The following DNAH6 variants were observed in gnomAD, a reference collection of about 807,000 sequenced individuals.
DNAH6 encodes the protein axonemal beta dynein heavy chain 6.
In DNAH6, 340 loss-of-function variants were observed where a neutral mutation model predicts 491.4. The observed-to-expected ratio is 0.69, with a 90% CI of 0.63 to 0.76. The LOEUF is 0.76. Among genes scored for constraint, DNAH6 ranks in the 30% least tolerant of loss-of-function variants. The pLI is 0.00. For missense variants in DNAH6, 4,443 were observed against 4,972.2 expected (o/e 0.89, Z 3.20); for synonymous variants, 1,603 against 1,686.1 (o/e 0.95, Z 1.21).
intron 19 of DNAH6, among the ~76,000 whole-genome samples, chr2:84,604,855 CAGAGA>C (rs946492274): frequency 2.0e-5 from 3 of 152,100 alleles, no homozygotes; most frequent in Non-Finnish European, 2.9e-5. Context: ...TCCAAGCTAC[CAGAGA>C]AATCTGTTAA....
the DNAH6 span, among the ~76,000 whole-genome samples, chr2:84,479,605 C>G: frequency 3.0e-4 from 46 of 152,186 alleles, no homozygotes; most frequent in Admixed American, 1.6e-3. Flanking sequence ...TCCCTGAGAC[C>G]CTGAATGTAG....
chr2:84,465,896 T>G, the DNAH6 span, among the ~76,000 whole-genome samples: 5 of 152,342 alleles, frequency 3.3e-5, no homozygotes, highest in South Asian at 1.0e-3. Context: ...AAGACCAATT[T>G]GTTTTATTAT....
chr2:84,476,889 T>C, the DNAH6 span, among the ~76,000 whole-genome samples: 1 of 152,238 alleles, frequency 6.6e-6, no homozygotes, highest in African/African-American at 2.4e-5. Context: ...GTCCTGTTGT[T>C]ACCCTGGTTC....
chr2:84,710,443 G>C, intron 56 of DNAH6, 31 bp downstream of exon 56: 1 of 1,549,106 alleles, frequency 6.5e-7, no homozygotes, highest in Non-Finnish European at 8.7e-7. Flanking sequence ...TCTCATGTCA[G>C]TTCCCAACTT....
At chr2:84,654,859 G>A in intron 35 of DNAH6, 77 bp downstream of exon 35, 4 of 1,463,550 alleles carry the variant, frequency 2.7e-6, no homozygotes, top group Admixed American at 2.1e-5. Context: ...AATAACAATA[G>A]GTTAAGGACT....
At chr2:84,500,688 G>T in the DNAH6 span, among the ~76,000 whole-genome samples, 2 of 151,936 alleles carry the variant, frequency 1.3e-5, no homozygotes, top group Non-Finnish European at 2.9e-5. Context: ...CCATTTTTTG[G>T]TGTCCTCTTC....
At chr2:84,614,461 T>C (rs531606060) in intron 22 of DNAH6, among the ~76,000 whole-genome samples, 9 of 152,182 alleles carry the variant, frequency 5.9e-5, no homozygotes, top group Non-Finnish European at 1.5e-5. Flanking sequence ...TGGTTCCATA[T>C]TTTTGCAATT....
At chr2:84,768,136 A>G (rs1202511731) in intron 64 of DNAH6, among the ~76,000 whole-genome samples, 2 of 152,118 alleles carry the variant, frequency 1.3e-5, no homozygotes, top group Non-Finnish European at 2.9e-5. Flanking sequence ...AGATGCTCCT[A>G]AATTCAGAAT....
chr2:84,595,715 C>T lies in DNAH6; in HGVS notation c.2794C>T (p.Gln932Ter), dbSNP rs1210578246. The change falls in exon 18 of 77, where the codon CAA becomes TAA. Residue 932 changes from glutamine to a stop codon, truncating the protein, a stop_gained. Coordinates refer to ENST00000389394, the MANE Select transcript of DNAH6 (RefSeq NM_001370.2). LOFTEE classifies it high-confidence loss of function. ...TTCTAAATATGCTAAATTTGTGACTCAACTGGAAAAAGGCTTGCCACCCAA... is the reference window on the plus strand; with the variant it reads ...TTCTAAATATGCTAAATTTGTGACTTAACTGGAAAAAGGCTTGCCACCCAA... ...QVSKYAKFVT[Q>*]LEKGLPPNSV... The T allele has an allele frequency of 1.3e-6, 2 of 1,551,206 alleles. No homozygotes were observed. Among genetic ancestry groups the T allele is most frequent in the African/African-American group, 1.4e-5 (1 of 73,020 alleles).
At chr2:84,741,309 A>G (rs537043586) in intron 62 of DNAH6, among the ~76,000 whole-genome samples, 108 of 152,154 alleles carry the variant, frequency 7.1e-4, no homozygotes, top group Non-Finnish European at 1.5e-3. Flanking sequence ...ATCACTGCCC[A>G]GGCAGGCAGC....
At chr2:84,494,304 G>T in the DNAH6 span, among the ~76,000 whole-genome samples, 1 of 152,146 alleles carries the variant, frequency 6.6e-6, no homozygotes, top group African/African-American at 2.4e-5. Flanking sequence ...CCGGATACAG[G>T]TTCTCTATAA....
chr2:84,795,621 C>T (rs371132460), intron 68 of DNAH6, among the ~76,000 whole-genome samples: 121 of 152,240 alleles, frequency 7.9e-4, no homozygotes, highest in Middle Eastern at 3.4e-3. Context: ...AGGAACACTA[C>T]AGTGGTGAAT....
chr2:84,464,358 G>A, the DNAH6 span, among the ~76,000 whole-genome samples: 18 of 152,186 alleles, frequency 1.2e-4, no homozygotes, highest in African/African-American at 4.3e-4. Context: ...CACTCTTGCT[G>A]TCTTGCTCTG....
chr2:84,499,267 A>T, the DNAH6 span, among the ~76,000 whole-genome samples: 2 of 152,080 alleles, frequency 1.3e-5, no homozygotes, highest in Admixed American at 1.3e-4. Flanking sequence ...TGATTTTCAG[A>T]TCCCATAAAT....
chr2:84,622,491 C>A (rs960037843), intron 26 of DNAH6, among the ~76,000 whole-genome samples: 1 of 152,090 alleles, frequency 6.6e-6, no homozygotes, highest in African/African-American at 2.4e-5. Context: ...TTCCCTCAAG[C>A]AATCCTCCTG....
At chr2:84,740,249 T>A (rs946623941) in intron 62 of DNAH6, among the ~76,000 whole-genome samples, 1 of 152,160 alleles carries the variant, frequency 6.6e-6, no homozygotes, top group Non-Finnish European at 1.5e-5. Context: ...TAATTCAGGA[T>A]GCAGTCTAGT....
At chr2:84,605,355 A>C (rs74475477) in intron 19 of DNAH6, 145 bp from the exon 20 acceptor site, 1 of 257,190 alleles carries the variant, frequency 3.9e-6, no homozygotes, top group South Asian at 9.2e-5. Flanking sequence ...TCTATCTCAA[A>C]AAAAAAAAAA....
intron 64 of DNAH6, among the ~76,000 whole-genome samples, chr2:84,778,461 G>C (rs954176211): frequency 6.6e-6 from 1 of 151,402 alleles, no homozygotes; most frequent in Non-Finnish European, 1.5e-5. Flanking sequence ...TGCAATATTA[G>C]ATCATGAATC....
intron 20 of DNAH6, among the ~76,000 whole-genome samples, chr2:84,606,414 T>G (rs1294922047): frequency 6.6e-6 from 1 of 152,176 alleles, no homozygotes; most frequent in East Asian, 1.9e-4. Flanking sequence ...TCTTTCAGAT[T>G]AACAAGCACA....
Sources: gnomAD v4.1 joint callset for allele counts (sites outside exome capture counted in the v4.1 genomes callset) on GRCh38, gnomAD v4.1.1 for gene constraint, MANE v1.5 for transcripts, NCBI Gene and HGNC (gene_info 2026-07-23, HGNC 2026-07-21) for gene names.